The following ANKFN1 variants were observed in gnomAD, a reference collection of about 807,000 sequenced individuals.
ANKFN1 encodes the protein ankyrin repeat and fibronectin type III domain containing 1, also known as ankyrin repeat and fibronectin type-III domain-containing protein 1.
A neutral mutation model predicts 108.7 loss-of-function variants in ANKFN1; 74 were observed. The observed-to-expected ratio is 0.68, with a 90% CI of 0.56 to 0.83. The LOEUF is 0.83. ANKFN1 is among the 40% of genes least tolerant of loss of function. The pLI, the probability that ANKFN1 is intolerant of heterozygous loss-of-function variation, is 0.00. For missense variants in ANKFN1, 1,505 were observed against 1,382.3 expected (o/e 1.09, Z -1.41); for synonymous variants, 547 against 516.2 (o/e 1.06, Z -0.81).
intron 4 of ANKFN1, among the ~76,000 whole-genome samples, chr17:56,103,426 A>G (rs901927431): frequency 5.9e-5 from 9 of 152,188 alleles, no homozygotes; most frequent in East Asian, 1.9e-4. Context: ...CTTCTAGAGA[A>G]CATCTGCTGG....
intron 4 of ANKFN1, among the ~76,000 whole-genome samples, chr17:56,346,996 T>A (rs2046122293): frequency 6.6e-6 from 1 of 151,944 alleles, no homozygotes; most frequent in South Asian, 2.1e-4. Flanking sequence ...TTATCATTTA[T>A]GAAAAGACAA....
At chr17:56,270,382 C>T (rs192301867) in intron 3 of ANKFN1, among the ~76,000 whole-genome samples, 74 of 152,272 alleles carry the variant, frequency 4.9e-4, no homozygotes, top group Admixed American at 1.6e-3. Flanking sequence ...TCTGTCCTGC[C>T]CAGCCTCCAG....
At chr17:56,072,615 GAA>G (rs1905133421) in intron 4 of ANKFN1, among the ~76,000 whole-genome samples, 3 of 152,150 alleles carry the variant, frequency 2.0e-5, no homozygotes, top group African/African-American at 7.2e-5. Context: ...CTACTTATAT[GAA>G]ATATATGTAC....
chr17:56,475,591 A>G (rs2050470380), intron 15 of ANKFN1, among the ~76,000 whole-genome samples: 1 of 152,038 alleles, frequency 6.6e-6, no homozygotes, highest in Admixed American at 6.6e-5. Flanking sequence ...CCTTTACCTT[A>G]CCCTTTTAAA....
intron 1 of ANKFN1, among the ~76,000 whole-genome samples, chr17:56,176,524 A>G (rs1377922258): frequency 6.6e-6 from 1 of 152,222 alleles, no homozygotes; most frequent in Non-Finnish European, 1.5e-5. Flanking sequence ...AACTCCATTT[A>G]TAGCAAAGCA....
At chr17:56,273,863 A>G (rs893015242) in intron 3 of ANKFN1, among the ~76,000 whole-genome samples, 3 of 152,210 alleles carry the variant, frequency 2.0e-5, no homozygotes, top group African/African-American at 7.2e-5. Flanking sequence ...ATTCATTTAA[A>G]TGAAAAAGAC....
chr17:56,510,643 G>A lies in ANKFN1; in HGVS notation c.2815G>A (p.Val939Ile), dbSNP rs747275473. The A allele has an allele frequency of 4.2e-4, 640 of 1,536,024 alleles. 1 individual carries two copies. Among genetic ancestry groups the A allele is most frequent in the East Asian group, 8.1e-4 (33 of 40,910 alleles). ...CGGCCTAAGCGGCAGCGCCCCCGAC[G>A]TCCTGCAAGTGCACGACGTGAAAAC... ...LSGLSGSAPDVLQVHDVKTPL... is the reference protein window; with the variant it reads ...LSGLSGSAPDILQVHDVKTPL... Residue 939 changes from valine to isoleucine, a missense_variant, in exon 21 of 21, where the codon GTC becomes ATC. Val to Ile is a conservative substitution (Grantham distance 29). Transcript: ENST00000682825.
chr17:56,055,580 T>TATATATATATATATATATACACACAC (rs1567778618), intron 4 of ANKFN1, among the ~76,000 whole-genome samples: 1 of 110,672 alleles, frequency 9.0e-6, no homozygotes, highest in African/African-American at 4.6e-5. Context: ...TATATATATA[T>TATATATATATATATATATACACACAC]ATATATATGT....
intron 4 of ANKFN1, among the ~76,000 whole-genome samples, chr17:56,135,297 G>A (rs1038631083): frequency 2.6e-5 from 4 of 152,132 alleles, no homozygotes; most frequent in African/African-American, 9.7e-5. Context: ...TTGTGTGTGT[G>A]TGAGTTAACC....
intron 19 of ANKFN1, among the ~76,000 whole-genome samples, chr17:56,497,489 A>T (rs1047150921): frequency 6.6e-6 from 1 of 152,172 alleles, no homozygotes; most frequent in East Asian, 1.9e-4. Context: ...AACTTGGCGG[A>T]CTGAATGTCA....
At chr17:56,137,823 G>T (rs112812632) in intron 4 of ANKFN1, among the ~76,000 whole-genome samples, 1 of 152,066 alleles carries the variant, frequency 6.6e-6, no homozygotes, top group Non-Finnish European at 1.5e-5. Flanking sequence ...AAAATACAGA[G>T]ATAATAGGAT....
At chr17:56,374,242 C>G (rs1158571602) in intron 7 of ANKFN1, among the ~76,000 whole-genome samples, 2 of 152,086 alleles carry the variant, frequency 1.3e-5, no homozygotes, top group African/African-American at 4.8e-5. Flanking sequence ...TCCAGTGAAA[C>G]GATGTACTTT....
chr17:56,416,451 A>G (rs933108485), intron 8 of ANKFN1, among the ~76,000 whole-genome samples: 1 of 152,240 alleles, frequency 6.6e-6, no homozygotes, highest in Non-Finnish European at 1.5e-5. Flanking sequence ...GCATATTAAA[A>G]GGCGCTCAAC....
At chr17:56,140,544 CTTTTCCCTTCCATGATG>C (rs1282227925) in intron 4 of ANKFN1, among the ~76,000 whole-genome samples, 1 of 152,194 alleles carries the variant, frequency 6.6e-6, no homozygotes, top group Non-Finnish European at 1.5e-5. Context: ...AACCAAACTT[CTTTTCCCTTCCATGATG>C]TTTTGAATCC....
At chr17:56,185,671 TA>T (rs1309394244) in intron 1 of ANKFN1, among the ~76,000 whole-genome samples, 1 of 152,174 alleles carries the variant, frequency 6.6e-6, no homozygotes, top group African/African-American at 2.4e-5. Flanking sequence ...GTCCAGCCTT[TA>T]AGTTGTGGGA....
intron 4 of ANKFN1, among the ~76,000 whole-genome samples, chr17:56,329,249 A>G (rs530790565): frequency 4.6e-5 from 7 of 152,210 alleles, no homozygotes; most frequent in Admixed American, 1.3e-4. Context: ...GATGAAATGT[A>G]CCACTGTGAG....
chr17:56,248,939 A>C (rs1314034612), intron 3 of ANKFN1, among the ~76,000 whole-genome samples: 1 of 152,156 alleles, frequency 6.6e-6, no homozygotes. Flanking sequence ...GAGCAACCAA[A>C]CTTAATCCGG....
At chr17:56,493,922 T>C (rs1483219094) in intron 19 of ANKFN1, among the ~76,000 whole-genome samples, 8 of 152,104 alleles carry the variant, frequency 5.3e-5, no homozygotes, top group African/African-American at 1.9e-4. Context: ...ACAGTCCCAA[T>C]CTCCTCATCT....
chr17:56,115,243 C>T (rs748443463), intron 4 of ANKFN1, among the ~76,000 whole-genome samples: 9 of 152,166 alleles, frequency 5.9e-5, no homozygotes, highest in Non-Finnish European at 1.2e-4. Flanking sequence ...GGGCCACAGT[C>T]AGGGATGTCT....
Sources: gnomAD v4.1 joint callset for allele counts (sites outside exome capture counted in the v4.1 genomes callset) on GRCh38, gnomAD v4.1.1 for gene constraint, MANE v1.5 for transcripts, NCBI Gene and HGNC (gene_info 2026-07-23, HGNC 2026-07-21) for gene names.